SV2B: variants seen among roughly 807,000 people sequenced by gnomAD.
SV2B encodes synaptic vesicle glycoprotein 2B, also known as solute carrier family 22 member B2.
A neutral mutation model predicts 73.9 loss-of-function variants in SV2B; 41 were observed. The ratio of observed to expected loss-of-function variants is 0.56; its 90% CI spans 0.43 to 0.72. The LOEUF (loss-of-function observed/expected upper bound fraction) is 0.72. Ranked by LOEUF, SV2B falls within the 30% of genes least tolerant of loss-of-function variation. The pLI, the probability that SV2B is intolerant of heterozygous loss-of-function variation, is 0.00. For synonymous variants in SV2B, 314 were observed against 314.2 expected (o/e 1.00, Z 0.01); for missense variants, 764 against 857.8 (o/e 0.89, Z 1.37).
intron 6 of SV2B, 94 bp downstream of exon 6, chr15:91,260,503 G>A: frequency 1.1e-6 from 1 of 920,500 alleles, no homozygotes; most frequent in Non-Finnish European, 1.6e-6. Context: ...CAGGAAATTT[G>A]TCAAAAGGAG....
In SV2B at chr15:91,227,188, T is replaced by C. The variant is rs2046412604; in HGVS notation, c.451+474T>C. Reference sequence around the variant, plus strand: ...GTCTGTTCCTGGTTTCTCATGTACATAAATGTTAGTAGGCTGAATGCCCAC... The same window carrying C: ...GTCTGTTCCTGGTTTCTCATGTACACAAATGTTAGTAGGCTGAATGCCCAC... On this transcript the variant is annotated intron_variant, in intron 2 of 12. Transcript: ENST00000394232. This position sits in a 1 kb window ranked among gnomAD's most constrained non-coding sequence, Gnocchi z 4.5. 6.6e-6 allele frequency among the ~76,000 whole-genome samples: 1 copy of C among 152,166 alleles called. No homozygotes were observed. The highest frequency in any genetic ancestry group is 2.4e-5 in the African/African-American group (1 of 41,442).
At chr15:91,119,930 G>A (rs2042283768) in intron 1 of SV2B, among the ~76,000 whole-genome samples, 1 of 152,090 alleles carries the variant, frequency 6.6e-6, no homozygotes, top group African/African-American at 2.4e-5. Context: ...AAGCATTAGT[G>A]TTTTCCATAT....
Position 91,229,227 on chromosome 15 carries a change from C to T in SV2B, c.451+2513C>T, listed in dbSNP as rs1326919602. Among the ~76,000 whole-genome samples, 2 of 152,000 alleles carry T rather than the reference C, an allele frequency of 1.3e-5. No homozygotes were observed. Among genetic ancestry groups the T allele is most frequent in the African/African-American group, 4.8e-5 (2 of 41,382 alleles). The stretch of plus-strand genomic sequence containing the variant: ...AATGATGTGGGCACTGGAGTCCAAC[C>T]TCTAGGGTTTGGCGACTGGGTACGT... On this transcript the variant is annotated intron_variant, in intron 2 of 12. Coordinates refer to ENST00000394232, the MANE Select transcript of SV2B (RefSeq NM_001323032.3). The surrounding 1 kb of genome is among the most constrained non-coding windows in gnomAD (Gnocchi z 4.3).
rs532265490 is a variant in SV2B at position 91,123,065 on chromosome 15, G to A, written c.-392+22702G>A. Among the ~76,000 whole-genome samples the A allele has an allele frequency of 1.3e-5, 2 of 152,336 alleles. No homozygotes were observed. Among genetic ancestry groups the A allele is most frequent in the African/African-American group, 4.8e-5 (2 of 41,576 alleles). ...GTGGGAGGATCACTTGAGCTCAGGA[G>A]TTTGAGACCAGCCTGGCCAACATGG... On this transcript the variant is annotated intron_variant, in intron 1 of 12. Transcript: ENST00000394232. This position sits in a 1 kb window ranked among gnomAD's most constrained non-coding sequence, Gnocchi z 4.7.
At chr15:91,266,292 C>T (rs72750209) in intron 6 of SV2B, among the ~76,000 whole-genome samples, 236 of 152,322 alleles carry the variant, frequency 1.5e-3, no homozygotes, top group Middle Eastern at 0.01. Flanking sequence ...GCTTTCTCCC[C>T]GCGGATTGCC....
chr15:91,272,828 CTTTTTTTTT>C (rs869274294), intron 9 of SV2B, among the ~76,000 whole-genome samples: 3,242 of 92,928 alleles, frequency 0.035, 99 homozygotes, highest in East Asian at 0.12. Context: ...GCATATTCGT[CTTTTTTTTT>C]TTTTTTTTTT....
chr15:91,252,605 C>T lies in SV2B; in HGVS notation c.784+85C>T. ...AATAGTTCCTGTCCTCAGCCTTATT[C>T]CATGTACTCACGCACAGTTCCCGTA... On this transcript the variant is annotated intron_variant, in intron 4 of 12. Transcript: ENST00000394232. This position sits in a 1 kb window ranked among gnomAD's most constrained non-coding sequence, Gnocchi z 4.6. 2 of 1,416,846 alleles carry T rather than the reference C, an allele frequency of 1.4e-6. No homozygotes were observed. The highest frequency in any genetic ancestry group is 1.9e-6 in the Non-Finnish European group (2 of 1,076,068). 87.8% of individuals were successfully genotyped at this position (1,416,846 alleles called of 1,614,324 possible).
chr15:91,168,206 A>G (rs914337446), intron 1 of SV2B, among the ~76,000 whole-genome samples: 1 of 151,608 alleles, frequency 6.6e-6, no homozygotes, highest in Admixed American at 6.6e-5. Context: ...GAGTCCCTTT[A>G]TCTTGGTTTT....
rs909374164 is a variant in SV2B, at chr15:91,288,396, T to C, written c.1709-1125T>C. Among the ~76,000 whole-genome samples the C allele has an allele frequency of 6.6e-6, 1 of 152,200 alleles. No individual in the cohort carries two copies. The highest frequency in any genetic ancestry group is 1.5e-5 in the Non-Finnish European group (1 of 68,038). ...ATCCATCACCACACATATATATGTTTTGTGGTGAGAATATTTGAAATTTAC... is the reference window on the plus strand; with the variant it reads ...ATCCATCACCACACATATATATGTTCTGTGGTGAGAATATTTGAAATTTAC... On this transcript the variant is annotated intron_variant, in intron 11 of 12. Coordinates refer to ENST00000394232, the MANE Select transcript of SV2B (RefSeq NM_001323032.3). This position sits in a 1 kb window ranked among gnomAD's most constrained non-coding sequence, Gnocchi z 5.8.
Position 91,130,260 on chromosome 15 carries a change from G to A in SV2B, c.-392+29897G>A, listed in dbSNP as rs1362325373. On this transcript the variant is annotated intron_variant, in intron 1 of 12. Transcript: ENST00000394232. The surrounding 1 kb of genome is among the most constrained non-coding windows in gnomAD (Gnocchi z 5.6). ...GGTTAGGGCAACTGGGAGAGAGGATGGGAGGAGTGTTGGAGGAATACTGAA... is the reference window on the plus strand; with the variant it reads ...GGTTAGGGCAACTGGGAGAGAGGATAGGAGGAGTGTTGGAGGAATACTGAA... Among the ~76,000 whole-genome samples, 1 of 152,192 alleles carries A rather than the reference G, an allele frequency of 6.6e-6. No homozygotes were observed. The highest frequency in any genetic ancestry group is 2.4e-5 in the African/African-American group (1 of 41,436).
chr15:91,201,875 C>T (rs1463246500), intron 1 of SV2B, among the ~76,000 whole-genome samples: 2 of 152,158 alleles, frequency 1.3e-5, no homozygotes, highest in African/African-American at 4.8e-5. Context: ...GGGCTCCCTG[C>T]CTCTTTCCTT....
At chr15:91,228,885 C>T (rs191100469) in intron 2 of SV2B, among the ~76,000 whole-genome samples, 218 of 152,326 alleles carry the variant, frequency 1.4e-3, no homozygotes, top group Non-Finnish European at 2.1e-3. Flanking sequence ...AATTTCCACA[C>T]GCTGTCACAT....
intron 2 of SV2B, among the ~76,000 whole-genome samples, chr15:91,248,425 C>A (rs2047341974): frequency 6.6e-6 from 1 of 152,164 alleles, no homozygotes; most frequent in African/African-American, 2.4e-5. Flanking sequence ...CCTTGGAAAT[C>A]CACAGTACTT....
chr15:91,226,443 G>C lies in SV2B; in HGVS notation c.180G>C (p.Lys60Asn). 1 of 1,614,170 alleles carries C rather than the reference G, an allele frequency of 6.2e-7. No homozygotes were observed. Among genetic ancestry groups the C allele is most frequent in the Non-Finnish European group, 8.5e-7 (1 of 1,180,014 alleles). The part of the protein sequence containing the change: ...YQGIPHPDDV[K>N]AKQAKMAPSR... ...GTATCCCTCACCCAGATGATGTCAA[G>C]GCCAAGCAGGCCAAGATGGCGCCCT... The change falls in exon 2 of 13, where the codon AAG (lysine) becomes AAC (asparagine). Residue 60 changes from lysine (K) to asparagine (N), a missense_variant. By Grantham distance (94) the Lys-to-Asn change is moderately conservative (BLOSUM62 0). Coordinates refer to ENST00000394232, the MANE Select transcript of SV2B (RefSeq NM_001323032.3).
Position 91,258,480 on chromosome 15 carries a change from G to A in SV2B, c.844G>A (p.Val282Ile), listed in dbSNP as rs753139153. The change falls in exon 5 of 13, where the codon GTC becomes ATC. Residue 282 changes from valine to isoleucine, a missense_variant. Physicochemically the swap from Val to Ile is conservative, Grantham distance 29. Transcript: ENST00000394232. The surrounding 1 kb of genome is among the most constrained non-coding windows in gnomAD (Gnocchi z 4.7). Reference protein sequence around the residue: ...HFHSWRVFVIVCALPCTVSMV... With the variant: ...HFHSWRVFVIICALPCTVSMV... ...CCATAGCTGGAGAGTGTTTGTCATC[G>A]TCTGTGCTCTGCCCTGCACCGTGTC... The A allele has an allele frequency of 4.1e-5, 66 of 1,613,974 alleles. No homozygotes were observed. The highest frequency in any genetic ancestry group is 2.6e-4 in the South Asian group (24 of 91,066).
intron 6 of SV2B, among the ~76,000 whole-genome samples, chr15:91,264,601 G>C (rs1361672898): frequency 6.6e-6 from 1 of 152,152 alleles, no homozygotes; most frequent in Non-Finnish European, 1.5e-5. Flanking sequence ...GCTTGATGAT[G>C]TGGGAACCCA....
intron 1 of SV2B, among the ~76,000 whole-genome samples, chr15:91,134,251 G>A (rs928257871): frequency 1.3e-5 from 2 of 152,124 alleles, no homozygotes; most frequent in Middle Eastern, 3.4e-3. Flanking sequence ...ACCCACCTCC[G>A]CCTCCCAAAG....
chr15:91,244,263 A>G (rs543286899), intron 2 of SV2B, among the ~76,000 whole-genome samples: 1 of 152,356 alleles, frequency 6.6e-6, no homozygotes, highest in South Asian at 2.1e-4. Context: ...TACATATGGC[A>G]GGAGATCAAC....
At chr15:91,282,001 G>A in intron 10 of SV2B, 140 bp downstream of exon 10, 1 of 1,067,398 alleles carries the variant, frequency 9.4e-7, no homozygotes, top group East Asian at 2.6e-5. Context: ...TGGGGAAATG[G>A]ATTTTAGCCC....
Sources: allele counts gnomAD v4.1 joint callset (sites outside exome capture counted in the v4.1 genomes callset), GRCh38; gene constraint gnomAD v4.1.1; non-coding constraint Gnocchi (gnomAD v3.1); transcripts MANE v1.5; gene names NCBI Gene and HGNC (gene_info 2026-07-23, HGNC 2026-07-21).